Variants in KCNIP4 observed in about 807,000 individuals in gnomAD.
The protein encoded by KCNIP4 is Kv channel-interacting protein 4.
Under a neutral mutation model 34.0 loss-of-function variants are expected in KCNIP4, and 12 were observed. That is an observed-to-expected ratio of 0.35 (90% confidence interval 0.23 to 0.57). The LOEUF is 0.57. KCNIP4 is among the 20% of genes least tolerant of loss of function. The pLI is 0.83. For synonymous variants in KCNIP4, 124 were observed against 102.2 expected (o/e 1.21, Z -1.29); for missense variants, 238 against 311.7 (o/e 0.76, Z 1.78).
chr4:20,969,476 C>G (rs1038180062), intron 1 of KCNIP4, among the ~76,000 whole-genome samples: 12 of 152,104 alleles, frequency 7.9e-5, no homozygotes, highest in Non-Finnish European at 1.6e-4. Context: ...GTGACCCAAA[C>G]CCCCGGTTAC....
chr4:21,147,758 G>A (rs1752463128), intron 1 of KCNIP4, among the ~76,000 whole-genome samples: 1 of 151,572 alleles, frequency 6.6e-6, no homozygotes, highest in Non-Finnish European at 1.5e-5. Flanking sequence ...GACCAACATG[G>A]TGAAACCCTG....
intron 1 of KCNIP4, among the ~76,000 whole-genome samples, chr4:21,532,815 G>C (rs1005185362): frequency 3.9e-5 from 6 of 152,126 alleles, no homozygotes; most frequent in Non-Finnish European, 4.4e-5. Context: ...TGGATCTCTG[G>C]AGGGGATGCA....
chr4:21,602,537 G>A (rs1743271492), intron 1 of KCNIP4, among the ~76,000 whole-genome samples: 1 of 152,096 alleles, frequency 6.6e-6, no homozygotes, highest in African/African-American at 2.4e-5. Flanking sequence ...ATGTGTGTGT[G>A]TTGACTTTTC....
chr4:21,890,091 T>C (rs1031156231), intron 1 of KCNIP4, among the ~76,000 whole-genome samples: 3 of 152,096 alleles, frequency 2.0e-5, no homozygotes, highest in Non-Finnish European at 4.4e-5. Context: ...AGAAACACAG[T>C]GAATGTCTAC....
intron 1 of KCNIP4, among the ~76,000 whole-genome samples, chr4:21,626,674 T>C (rs564025970): frequency 1.3e-5 from 2 of 152,238 alleles, no homozygotes; most frequent in East Asian, 3.9e-4. Context: ...TCAATGGTGG[T>C]ACCAAGCTGT....
intron 1 of KCNIP4, among the ~76,000 whole-genome samples, chr4:20,923,499 A>G (rs1729604572): frequency 6.6e-6 from 1 of 152,156 alleles, no homozygotes; most frequent in Admixed American, 6.5e-5. Context: ...GCAACACAGA[A>G]AAAGCTCATT....
At chr4:21,923,644 CT>C (rs533259095) in intron 1 of KCNIP4, among the ~76,000 whole-genome samples, 194 of 152,188 alleles carry the variant, frequency 1.3e-3, no homozygotes, top group African/African-American at 4.5e-3. Context: ...GCTACAAGTT[CT>C]TCAAGTTCAA....
intron 1 of KCNIP4, among the ~76,000 whole-genome samples, chr4:21,457,998 CT>C (rs35449884): frequency 0.01 from 1,512 of 149,302 alleles, 21 homozygotes; most frequent in African/African-American, 0.028. Flanking sequence ...CATGGTAACA[CT>C]TTTTTTTTTA....
chr4:21,880,829 G>A (rs921561341), intron 1 of KCNIP4, among the ~76,000 whole-genome samples: 2 of 152,068 alleles, frequency 1.3e-5, no homozygotes, highest in African/African-American at 4.8e-5. Context: ...TACGCTTCCA[G>A]GAATGCTAAC....
chr4:20,740,908 C>G (rs953251172), intron 5 of KCNIP4, among the ~76,000 whole-genome samples: 2 of 152,060 alleles, frequency 1.3e-5, no homozygotes, highest in South Asian at 4.2e-4. Context: ...AAAAAAAAAG[C>G]AGGGGTTGCA....
At chr4:21,759,477 T>C (rs988215161) in intron 1 of KCNIP4, among the ~76,000 whole-genome samples, 1 of 152,186 alleles carries the variant, frequency 6.6e-6, no homozygotes, top group Non-Finnish European at 1.5e-5. Flanking sequence ...TAGCAGGACA[T>C]AGAAATCTTT....
chr4:21,136,037 G>A (rs140461509), intron 1 of KCNIP4, among the ~76,000 whole-genome samples: 3 of 152,166 alleles, frequency 2.0e-5, no homozygotes, highest in African/African-American at 4.8e-5. Context: ...ATTTTACCAC[G>A]GGTTTTAAAT....
intron 1 of KCNIP4, among the ~76,000 whole-genome samples, chr4:21,073,897 T>C (rs566187280): frequency 6.6e-6 from 1 of 152,204 alleles, no homozygotes; most frequent in Non-Finnish European, 1.5e-5. Flanking sequence ...GAGATAATCA[T>C]GTGGTTTTTG....
chr4:21,505,203 G>A lies in KCNIP4; in HGVS notation c.61+443368C>T, dbSNP rs948382587. Among the ~76,000 whole-genome samples the A allele has an allele frequency of 2.6e-5, 4 of 151,700 alleles. No homozygotes were observed. In the South Asian group the frequency reaches 6.2e-4, roughly 24 times the overall value. ...AGAGACATGTTCTTGAACTGGTTCTGTGAACTGTAGTTTCATAGATTTTTC... is the reference window on the plus strand; with the variant it reads ...AGAGACATGTTCTTGAACTGGTTCTATGAACTGTAGTTTCATAGATTTTTC... On this transcript the variant is annotated intron_variant, in intron 1 of 8. Coordinates refer to ENST00000382152, the MANE Select transcript of KCNIP4 (RefSeq NM_025221.6).
intron 1 of KCNIP4, among the ~76,000 whole-genome samples, chr4:20,972,637 A>G (rs566944033): frequency 6.6e-6 from 1 of 152,116 alleles, no homozygotes; most frequent in Non-Finnish European, 1.5e-5. Context: ...GGCAGAATAG[A>G]TTTAGTATAG....
chr4:21,803,939 G>C (rs1721147293), intron 1 of KCNIP4, among the ~76,000 whole-genome samples: 1 of 152,212 alleles, frequency 6.6e-6, no homozygotes. Context: ...ACGGGGAATA[G>C]ATCAGCAGTC....
At chr4:21,930,443 T>C (rs1025788493) in intron 1 of KCNIP4, among the ~76,000 whole-genome samples, 2 of 152,098 alleles carry the variant, frequency 1.3e-5, no homozygotes, top group Non-Finnish European at 2.9e-5. Flanking sequence ...TTACCTTGCT[T>C]AACACCATTC....
rs149005303 is a variant in KCNIP4 at position 21,797,392 on chromosome 4, G to A, written c.61+151179C>T. On this transcript the variant is annotated intron_variant, in intron 1 of 8. Coordinates refer to ENST00000382152, the MANE Select transcript of KCNIP4 (RefSeq NM_025221.6). The stretch of plus-strand genomic sequence containing the variant: ...ATTCCTGGCCTCAAGTTATCCTCCT[G>A]CCTCAGCCTCCCAAAGTGCTGGAAT... Among the ~76,000 whole-genome samples the A allele has an allele frequency of 1.3e-3, 204 of 152,166 alleles. 1 individual carries two copies. The highest frequency in any genetic ancestry group is 4.6e-3 in the African/African-American group (192 of 41,512).
At chr4:21,380,144 GCAGA>G (rs1052350563) in intron 1 of KCNIP4, among the ~76,000 whole-genome samples, 3 of 151,988 alleles carry the variant, frequency 2.0e-5, no homozygotes, top group Non-Finnish European at 4.4e-5. Context: ...GTAGGAAAAG[GCAGA>G]ATGTACATTG....
Sources: allele counts gnomAD v4.1 joint callset (sites outside exome capture counted in the v4.1 genomes callset), GRCh38; gene constraint gnomAD v4.1.1; transcripts MANE v1.5; gene names NCBI Gene and HGNC (gene_info 2026-07-23, HGNC 2026-07-21).